Variants in WDR86 observed in about 807,000 individuals in gnomAD.
The protein encoded by WDR86 is WD repeat domain 86.
WDR86 carries 30 observed loss-of-function variants against 36.5 expected under a neutral mutation model. The observed-to-expected ratio is 0.82, with a 90% CI of 0.61 to 1.11. The LOEUF is 1.11. Among genes scored for constraint, WDR86 ranks in the 50% most tolerant of loss-of-function variants. The pLI is 0.00. For missense variants in WDR86, 545 were observed against 561.2 expected (o/e 0.97, Z 0.29); for synonymous variants, 255 against 252.9 (o/e 1.01, Z -0.08).
Position 151,409,716 on chromosome 7 carries a change from G to A in WDR86, c.-127C>T, listed in dbSNP as rs1801059542. ...GCGGGGAACGGGGAGCCCGACTCCT[G>A]CGGAGGCACGCGGCGAGGGGAGGGT... On this transcript the variant is annotated 5_prime_UTR_variant, in exon 1 of 6. Coordinates refer to ENST00000334493, the MANE Select transcript of WDR86 (RefSeq NM_198285.3). The surrounding 1 kb of genome is among the most constrained non-coding windows in gnomAD (Gnocchi z 5.2). 7.7e-7 allele frequency: 1 copy of A among 1,294,396 alleles called. No individual in the cohort carries two copies. Among genetic ancestry groups the A allele is most frequent in the African/African-American group, 1.6e-5 (1 of 64,382 alleles). The allele number at this position is 1,294,396 out of a possible 1,614,324, so 80.2% of individuals were successfully genotyped here.
chr7:151,385,401 G>C (rs1052337401), intron 3 of WDR86, 178 bp from the exon 4 acceptor site: 1 of 1,140,806 alleles, frequency 8.8e-7, no homozygotes, highest in African/African-American at 1.6e-5. Context: ...AAAAGCAGGC[G>C]GCTGCTCCTG....
rs1456839624 is a variant in WDR86 at position 151,401,828 on chromosome 7, T to G, written c.164-1587A>C. Among the ~76,000 whole-genome samples, 6 of 151,374 alleles carry G rather than the reference T, an allele frequency of 4.0e-5. No individual in the cohort carries two copies. The highest frequency in any genetic ancestry group is 8.8e-5 in the Non-Finnish European group (6 of 67,906). On this transcript the variant is annotated intron_variant, in intron 1 of 5. Coordinates refer to ENST00000334493, the MANE Select transcript of WDR86 (RefSeq NM_198285.3). The surrounding 1 kb of genome is among the most constrained non-coding windows in gnomAD (Gnocchi z 4.3). The stretch of plus-strand genomic sequence containing the variant: ...ACTTTGGGAGGCCGAGGCGGGTGGA[T>G]CACAAGGTCAGGAGTTCAAGATCAG...
intron 2 of WDR86, among the ~76,000 whole-genome samples, chr7:151,398,338 TATGA>T (rs1800023875): frequency 6.6e-6 from 1 of 152,156 alleles, no homozygotes; most frequent in South Asian, 2.1e-4. Flanking sequence ...GTAAGTTGTG[TATGA>T]GTGCATATGT....
chr7:151,407,871 T>C (rs775242533), intron 1 of WDR86, among the ~76,000 whole-genome samples: 50 of 152,070 alleles, frequency 3.3e-4, no homozygotes, highest in Non-Finnish European at 4.1e-4. Flanking sequence ...AAATGCCAGT[T>C]CTACAGCCCT....
downstream of WDR86, among the ~76,000 whole-genome samples, chr7:151,371,421 C>T (rs1797954648): frequency 7.6e-6 from 1 of 132,184 alleles, no homozygotes; most frequent in Non-Finnish European, 1.5e-5. Flanking sequence ...AATCTGTGTC[C>T]CAGAATCCTC....
chr7:151,385,114 C>T lies in WDR86; in HGVS notation c.836G>A (p.Ser279Asn). The change falls in exon 4 of 6, where the codon AGC becomes AAC. Residue 279 changes from serine (S) to asparagine (N), a missense_variant. By Grantham distance (46) the Ser-to-Asn change is conservative. Coordinates refer to ENST00000334493, the MANE Select transcript of WDR86 (RefSeq NM_198285.3). ...GGTGCCCGCGTGGTACTTGAGGGCG[C>T]TCACGTTGCGTCTGTGGGCCGTGAA... Reference protein sequence around the residue: ...RTFTAHRRNVSALKYHAGTLF... With the variant: ...RTFTAHRRNVNALKYHAGTLF... The T allele has an allele frequency of 6.2e-7, 1 of 1,610,590 alleles. No individual in the cohort carries two copies. The highest frequency in any genetic ancestry group is 1.1e-5 in the South Asian group (1 of 90,874).
chr7:151,402,061 AAAAAAAAAAATAT>A (rs1442374976), intron 1 of WDR86, among the ~76,000 whole-genome samples: 2 of 110,878 alleles, frequency 1.8e-5, no homozygotes, highest in African/African-American at 7.6e-5. Context: ...AAAAAAAAAA[AAAAAAAAAAATAT>A]ATATATATAT....
chr7:151,410,086 A>G, upstream of WDR86: 1 of 984,272 alleles, frequency 1.0e-6, no homozygotes, highest in Non-Finnish European at 1.2e-6. Context: ...ATCCCCTCCC[A>G]CTTCTCGGGC....
Position 151,381,257 on chromosome 7 carries a change from TG to T in WDR86, c.*324del. On this transcript the variant is annotated 3_prime_UTR_variant, in exon 6 of 6. Coordinates refer to ENST00000334493, the MANE Select transcript of WDR86 (RefSeq NM_198285.3). This position sits in a 1 kb window ranked among gnomAD's most constrained non-coding sequence, Gnocchi z 4.8. ...CAGGAAAGGCCCAGTTTCGTGGGGC[TG>T]GGGGAGCTGGGGCAGTCCGCCTGCA... 7.6e-7 allele frequency: 1 copy of T among 1,307,742 alleles called. No individual in the cohort carries two copies. The highest frequency in any genetic ancestry group is 9.7e-7 in the Non-Finnish European group (1 of 1,032,842). 81.0% of individuals were successfully genotyped at this position (1,307,742 alleles called of 1,614,324 possible).
the WDR86 span, chr7:151,368,987 A>G: frequency 8.0e-7 from 1 of 1,247,732 alleles, no homozygotes; most frequent in Non-Finnish European, 1.1e-6. Flanking sequence ...ATTACTCCAG[A>G]TTGGGAAGGA....
intron 3 of WDR86, 167 bp from the exon 4 acceptor site, chr7:151,385,390 C>CA: frequency 8.0e-7 from 1 of 1,252,882 alleles, no homozygotes; most frequent in Non-Finnish European, 1.1e-6. Flanking sequence ...CTTCAGCACC[C>CA]AAAAGCAGGC....
Position 151,396,156 on chromosome 7 carries a change from C to T in WDR86, c.346G>A (p.Asp116Asn). The part of the protein sequence containing the change: ...ANNQLFSSSY[D>N]RTARVWSVDK... ...ACACTCCAGACCCGAGCTGTCCGGT[C>T]ATAGGAGCTGCTGAAGAGCTGGTTG... Residue 116 changes from aspartate to asparagine, a missense_variant, in exon 3 of 6, where the codon GAC becomes AAC. By Grantham distance (23) the Asp-to-Asn change is conservative. Transcript: ENST00000334493. 6.2e-7 allele frequency: 1 copy of T among 1,612,958 alleles called. No individual in the cohort carries two copies. Among genetic ancestry groups the T allele is most frequent in the Non-Finnish European group, 8.5e-7 (1 of 1,179,890 alleles).
At position 151,396,014 on chromosome 7, in the gene WDR86, CCGGCCG is replaced by C; in HGVS notation, c.482_487del (p.Ala161_Ala162del). On this transcript the variant is annotated inframe_deletion, in exon 3 of 6. Coordinates refer to ENST00000334493, the MANE Select transcript of WDR86 (RefSeq NM_198285.3). ...TGTGCTGCCGGTCACCAGAAGCCCC[CCGGCCG>C]CGGCCTCCTCCGCGCAGGGAGTGCT... 6.2e-7 allele frequency: 1 copy of C among 1,603,010 alleles called. No homozygotes were observed. Among genetic ancestry groups the C allele is most frequent in the Non-Finnish European group, 8.5e-7 (1 of 1,175,146 alleles).
exon 2 of WDR86, chr7:151,376,057 C>A: frequency 1.4e-6 from 1 of 738,848 alleles, no homozygotes; most frequent in Non-Finnish European, 2.5e-6. Flanking sequence ...AACCTTGGCT[C>A]CCAGGCTCCA....
At chr7:151,378,565 TGAG>T (rs1484912150), downstream of WDR86, 1 of 152,198 alleles carries the variant, frequency 6.6e-6, no homozygotes, top group Admixed American at 6.5e-5. Flanking sequence ...CTGAGTTTTG[TGAG>T]GAGATGATGG....
At chr7:151,407,182 G>A (rs1030689384) in intron 1 of WDR86, among the ~76,000 whole-genome samples, 17 of 152,236 alleles carry the variant, frequency 1.1e-4, no homozygotes, top group South Asian at 2.1e-4. Flanking sequence ...CTGCTTGAGC[G>A]GGGATAGCCC....
At position 151,388,792 on chromosome 7, in the gene WDR86, G is replaced by C. The variant is rs1308896226; in HGVS notation, c.727-3569C>G. 1.3e-5 allele frequency among the ~76,000 whole-genome samples: 2 copies of C among 152,188 alleles called. No homozygotes were observed. Among genetic ancestry groups the C allele is most frequent in the Non-Finnish European group, 2.9e-5 (2 of 68,028 alleles). On this transcript the variant is annotated intron_variant, in intron 3 of 5. Transcript: ENST00000334493. The surrounding 1 kb of genome is among the most constrained non-coding windows in gnomAD (Gnocchi z 4.2). ...GTCCCCAGGCTGACGGTCGGAGGCG[G>C]GGTATATGAAGCTATGGTCTGAGTG...
Position 151,381,786 on chromosome 7 carries a change from G to GC in WDR86, c.967-41dup. The GC allele has an allele frequency of 6.7e-7, 1 of 1,500,612 alleles. No individual in the cohort carries two copies. The highest frequency in any genetic ancestry group is 1.3e-5 in the South Asian group (1 of 76,508). 93.0% of individuals were successfully genotyped at this position (1,500,612 alleles called of 1,614,324 possible). On this transcript the variant is annotated intron_variant, in intron 5 of 5. Transcript: ENST00000334493. This position sits in a 1 kb window ranked among gnomAD's most constrained non-coding sequence, Gnocchi z 4.8. Reference sequence around the variant, plus strand: ...GCGGGCGTCACCGGTGACGCGGTAGGCGGGGGGGACACCGCTGCCCGCGTG... The same window carrying GC: ...GCGGGCGTCACCGGTGACGCGGTAGGCCGGGGGGGACACCGCTGCCCGCGTG...
intron 1 of WDR86, among the ~76,000 whole-genome samples, chr7:151,407,464 G>A (rs1800790677): frequency 6.6e-6 from 1 of 152,218 alleles, no homozygotes; most frequent in Non-Finnish European, 1.5e-5. Flanking sequence ...TGTGGGCTAA[G>A]CTGGGCTCCC....
Sources: gnomAD v4.1 joint callset for allele counts (sites outside exome capture counted in the v4.1 genomes callset) on GRCh38, gnomAD v4.1.1 for gene constraint, Gnocchi (gnomAD v3.1) non-coding constraint, MANE v1.5 for transcripts, NCBI Gene and HGNC (gene_info 2026-07-23, HGNC 2026-07-21) for gene names.